The following CCDC60 variants were observed in gnomAD, a reference collection of about 807,000 sequenced individuals.
The protein encoded by CCDC60 is coiled-coil domain-containing protein 60.
A neutral mutation model predicts 63.5 loss-of-function variants in CCDC60; 54 were observed. That is an observed-to-expected ratio of 0.85 (90% CI 0.68 to 1.07). The LOEUF (loss-of-function observed/expected upper bound fraction) is 1.07. Among genes scored for constraint, CCDC60 ranks in the 50% least tolerant of loss-of-function variants. The pLI is 0.00. For missense variants in CCDC60, 651 were observed against 684.3 expected (o/e 0.95, Z 0.54); for synonymous variants, 206 against 238.8 (o/e 0.86, Z 1.27).
intron 1 of CCDC60, among the ~76,000 whole-genome samples, chr12:119,374,802 G>A (rs936361227): frequency 3.3e-5 from 5 of 152,124 alleles, no homozygotes; most frequent in Non-Finnish European, 7.4e-5. Flanking sequence ...AGAACTGAGG[G>A]TTCCTCCTCC....
chr12:119,339,156 G>A (rs1955505635), intron 1 of CCDC60, among the ~76,000 whole-genome samples: 1 of 152,092 alleles, frequency 6.6e-6, no homozygotes, highest in Non-Finnish European at 1.5e-5. Context: ...GGAAGCAGAC[G>A]AAGTCTAATG....
chr12:119,380,997 G>A (rs2136185418), intron 1 of CCDC60, among the ~76,000 whole-genome samples: 1 of 152,226 alleles, frequency 6.6e-6, no homozygotes, highest in Admixed American at 6.5e-5. Flanking sequence ...TAGAGAGATG[G>A]CAAATATCCT....
intron 5 of CCDC60, among the ~76,000 whole-genome samples, chr12:119,498,258 A>T (rs1004278206): frequency 6.6e-6 from 1 of 152,090 alleles, no homozygotes; most frequent in Non-Finnish European, 1.5e-5. Context: ...CACAACCACC[A>T]GCACTCAGCA....
Position 119,433,164 on chromosome 12 carries a change from T to TCGG in CCDC60, c.170+4402_170+4403insCGG, listed in dbSNP as rs3077282. ...AGGGCTCAGTTCCCCCGACAGAGAG[T>TCGG]TGTTAAACATTCACCAGCACACCAC... is the stretch of plus-strand genomic sequence containing the variant. On this transcript the variant is annotated intron_variant, in intron 2 of 13. Transcript: ENST00000327554. 6.6e-4 allele frequency among the ~76,000 whole-genome samples: 99 copies of TCGG among 150,730 alleles called. 1 individual carries two copies. The highest frequency in any genetic ancestry group is 2.3e-3 in the African/African-American group (95 of 41,012).
intron 13 of CCDC60, among the ~76,000 whole-genome samples, chr12:119,538,970 G>A (rs1953084113): frequency 6.6e-6 from 1 of 152,208 alleles, no homozygotes; most frequent in Non-Finnish European, 1.5e-5. Context: ...GTCTGCTGGA[G>A]TTTGCTGGAG....
At chr12:119,411,467 A>T (rs1161789967) in intron 1 of CCDC60, among the ~76,000 whole-genome samples, 2 of 152,172 alleles carry the variant, frequency 1.3e-5, no homozygotes, top group African/African-American at 4.8e-5. Context: ...AGATCACACC[A>T]CTGGACTCCA....
chr12:119,431,916 T>C (rs942429539), intron 2 of CCDC60, among the ~76,000 whole-genome samples: 4 of 152,174 alleles, frequency 2.6e-5, no homozygotes, highest in African/African-American at 9.7e-5. Context: ...CCTGACCTGG[T>C]GATCTGCCCG....
intron 2 of CCDC60, among the ~76,000 whole-genome samples, chr12:119,440,408 T>C (rs1225511623): frequency 3.3e-5 from 5 of 152,052 alleles, no homozygotes; most frequent in Non-Finnish European, 7.4e-5. Context: ...CGGGCACCTG[T>C]AGTCCCAGCT....
intron 1 of CCDC60, among the ~76,000 whole-genome samples, chr12:119,372,792 G>A (rs904631310): frequency 2.6e-5 from 4 of 152,028 alleles, no homozygotes; most frequent in Non-Finnish European, 4.4e-5. Context: ...TGCTACACAC[G>A]CCATGGTGAC....
At chr12:119,405,554 A>C (rs959745277) in intron 1 of CCDC60, among the ~76,000 whole-genome samples, 2 of 152,016 alleles carry the variant, frequency 1.3e-5, no homozygotes, top group Non-Finnish European at 2.9e-5. Flanking sequence ...TCTCAGATTT[A>C]AAAAAAACCA....
At chr12:119,399,969 C>G (rs911925963) in intron 1 of CCDC60, among the ~76,000 whole-genome samples, 12 of 152,044 alleles carry the variant, frequency 7.9e-5, no homozygotes, top group African/African-American at 2.7e-4. Context: ...TCTGCTATTT[C>G]AAGGTGAAAA....
intron 7 of CCDC60, among the ~76,000 whole-genome samples, chr12:119,512,120 G>A (rs1002776978): frequency 4.6e-5 from 7 of 152,174 alleles, no homozygotes; most frequent in African/African-American, 1.7e-4. Flanking sequence ...AATATGCAAA[G>A]GTGGATGTAC....
At chr12:119,394,974 G>A (rs1464098316) in intron 1 of CCDC60, among the ~76,000 whole-genome samples, 2 of 152,226 alleles carry the variant, frequency 1.3e-5, no homozygotes, top group East Asian at 1.9e-4. Flanking sequence ...GGGTGCTTAC[G>A]AAGGCTTCAT....
intron 11 of CCDC60, among the ~76,000 whole-genome samples, chr12:119,528,031 G>A (rs376395873): frequency 1.3e-5 from 2 of 152,030 alleles, no homozygotes; most frequent in African/African-American, 2.4e-5. Context: ...GGATGGAAAG[G>A]ATGAGGATAA....
rs568877146 is a variant in CCDC60, at chr12:119,383,804, A to G, written c.91-44879A>G. Among the ~76,000 whole-genome samples, 35 of 152,302 alleles carry G rather than the reference A, an allele frequency of 2.3e-4. No homozygotes were observed. The South Asian group carries it at 2.7e-3, about 12-fold the overall frequency. ...CTAGACAACACAAGAGACCTTCAAG[A>G]GGGCATGTTCATGAGATGGGTGAGC... On this transcript the variant is annotated intron_variant, in intron 1 of 13. Transcript: ENST00000327554.
At chr12:119,449,023 T>C (rs148503714) in intron 2 of CCDC60, among the ~76,000 whole-genome samples, 5 of 152,292 alleles carry the variant, frequency 3.3e-5, no homozygotes, top group African/African-American at 7.2e-5. Context: ...CTCTAATCCA[T>C]TGACCATTTT....
At chr12:119,463,091 TG>T (rs1455058576) in intron 2 of CCDC60, among the ~76,000 whole-genome samples, 1 of 152,310 alleles carries the variant, frequency 6.6e-6, no homozygotes, top group East Asian at 1.9e-4. Flanking sequence ...CCCAAAGTGC[TG>T]GGATTACAAG....
intron 7 of CCDC60, among the ~76,000 whole-genome samples, chr12:119,508,049 T>C (rs1390171981): frequency 1.3e-5 from 2 of 152,074 alleles, no homozygotes; most frequent in Non-Finnish European, 2.9e-5. Flanking sequence ...CACATGCCTG[T>C]AGTCCTAGCT....
At chr12:119,485,749 T>A (rs1185606522) in intron 4 of CCDC60, among the ~76,000 whole-genome samples, 1 of 152,190 alleles carries the variant, frequency 6.6e-6, no homozygotes, top group East Asian at 1.9e-4. Context: ...CACGCTGAGG[T>A]ACAGAGGTTC....
Sources: allele counts gnomAD v4.1 joint callset (sites outside exome capture counted in the v4.1 genomes callset), GRCh38; gene constraint gnomAD v4.1.1; transcripts MANE v1.5; gene names NCBI Gene and HGNC (gene_info 2026-07-23, HGNC 2026-07-21).